PARVB: variants seen among roughly 807,000 people sequenced by gnomAD.
The protein encoded by PARVB is parvin beta.
A neutral mutation model predicts 47.0 loss-of-function variants in PARVB; 46 were observed. The ratio of observed to expected loss-of-function variants is 0.98; its 90% CI spans 0.77 to 1.25. PARVB has a LOEUF of 1.25. PARVB is among the 50% of genes most tolerant of loss of function. The pLI is 0.00. For missense variants in PARVB, 473 were observed against 471.6 expected, an observed-to-expected ratio of 1.00 and a Z score of -0.03; for synonymous variants, 196 against 196.3, an observed-to-expected ratio of 1.00 and a Z score of 0.01.
Position 44,103,687 on chromosome 22 carries a change from T to C in PARVB, c.273+3564T>C, listed in dbSNP as rs970338340. 1 of 152,174 alleles carries C rather than the reference T, an allele frequency of 6.6e-6. No individual in the cohort carries two copies. Among genetic ancestry groups the C allele is most frequent in the Non-Finnish European group, 1.5e-5 (1 of 68,026 alleles). The allele number at this position is 152,174 out of a possible 1,614,324, so 9.4% of individuals were successfully genotyped here. On this transcript the variant is annotated intron_variant, in intron 3 of 12. Coordinates refer to ENST00000338758, the MANE Select transcript of PARVB (RefSeq NM_013327.5). The surrounding 1 kb of genome is among the most constrained non-coding windows in gnomAD (Gnocchi z 4.6). ...CGGGCCCAGTGTGTTCGCTAGTGTC[T>C]GTATAAGAGGGACATGGGGAGCTTT... is the stretch of plus-strand genomic sequence containing the variant.
intron 3 of PARVB, chr22:44,105,947 G>A (rs914871990): frequency 3.3e-5 from 5 of 152,194 alleles, no homozygotes; most frequent in African/African-American, 1.2e-4. Context: ...TCCTGCCTCA[G>A]CCTCCCAAGT....
At chr22:44,119,502 C>T (rs117030658) in intron 4 of PARVB, among the ~76,000 whole-genome samples, 38 of 152,324 alleles carry the variant, frequency 2.5e-4, no homozygotes, top group Non-Finnish European at 4.4e-4. Flanking sequence ...GGGTCTGCAG[C>T]AATATTCTGT....
At chr22:44,087,156 C>T (rs554806519) in intron 1 of PARVB, 1 of 152,320 alleles carries the variant, frequency 6.6e-6, no homozygotes, top group South Asian at 2.1e-4. Flanking sequence ...TTTAGATGTG[C>T]AGGGATGGAG....
At chr22:44,140,357 T>C in intron 8 of PARVB, 1 of 708,838 alleles carries the variant, frequency 1.4e-6, no homozygotes, top group Non-Finnish European at 2.6e-6. Flanking sequence ...TGGGTTGTGC[T>C]AGGAGGAGTG....
intron 1 of PARVB, among the ~76,000 whole-genome samples, chr22:44,077,827 A>T (rs2051811920): frequency 6.6e-6 from 1 of 151,888 alleles, no homozygotes; most frequent in Non-Finnish European, 1.5e-5. Context: ...CCTCCCGAGT[A>T]GCTGGTATTA....
rs771855984 is a variant in PARVB at position 44,163,946 on chromosome 22, C to G, written c.1018+16C>G. 6.2e-7 allele frequency: 1 copy of G among 1,602,102 alleles called. No individual in the cohort carries two copies. Among genetic ancestry groups the G allele is most frequent in the East Asian group, 2.3e-5 (1 of 44,442 alleles). On this transcript the variant is annotated intron_variant, in intron 12 of 12. Transcript: ENST00000338758. Reference sequence around the variant, plus strand: ...CGTCCTGAAGGTAATGCCCCTGGCTCAGGTTCCCCCGGGAGAGGTGCGCAC... The same window carrying G: ...CGTCCTGAAGGTAATGCCCCTGGCTGAGGTTCCCCCGGGAGAGGTGCGCAC...
intron 2 of PARVB, among the ~76,000 whole-genome samples, chr22:44,001,368 C>A (rs1286915969): frequency 6.6e-6 from 1 of 152,140 alleles, no homozygotes; most frequent in Non-Finnish European, 1.5e-5. Context: ...CGTTGTAATT[C>A]AAAAATATTG....
At chr22:44,167,515 G>A (rs1601714134) in intron 12 of PARVB, among the ~76,000 whole-genome samples, 1 of 152,088 alleles carries the variant, frequency 6.6e-6, no homozygotes, top group Non-Finnish European at 1.5e-5. Context: ...TGGAGTCAGA[G>A]GGGGCCAGGA....
At position 44,103,124 on chromosome 22, in the gene PARVB, G is replaced by T. The variant is rs1284237276; in HGVS notation, c.273+3001G>T. The T allele has an allele frequency of 6.6e-6, 1 of 152,320 alleles. No homozygotes were observed. The allele number at this position is 152,320 out of a possible 1,614,324, so 9.4% of individuals were successfully genotyped here. ...AGACCCCCAGGCTGTTTTGGCCTTGGTGGGGCGAGGGCTGGCTGCTGCATG... is the reference window on the plus strand; with the variant it reads ...AGACCCCCAGGCTGTTTTGGCCTTGTTGGGGCGAGGGCTGGCTGCTGCATG... On this transcript the variant is annotated intron_variant, in intron 3 of 12. Coordinates refer to ENST00000338758, the MANE Select transcript of PARVB (RefSeq NM_013327.5). This position sits in a 1 kb window ranked among gnomAD's most constrained non-coding sequence, Gnocchi z 4.6.
At chr22:44,047,104 G>A (rs562346374) in intron 1 of PARVB, among the ~76,000 whole-genome samples, 29 of 152,272 alleles carry the variant, frequency 1.9e-4, no homozygotes, top group African/African-American at 6.3e-4. Flanking sequence ...CCTGTGCCCC[G>A]TCTTAGTCTA....
At chr22:44,163,702 T>C (rs1359788576) in intron 11 of PARVB, among the ~76,000 whole-genome samples, 156 bp from the exon 12 acceptor site, 2 of 152,150 alleles carry the variant, frequency 1.3e-5, no homozygotes, top group Non-Finnish European at 2.9e-5. Flanking sequence ...CACCCGTGTC[T>C]GCCCACCCTG....
At chr22:44,007,567 G>A (rs1014525949) in intron 2 of PARVB, among the ~76,000 whole-genome samples, 2 of 152,134 alleles carry the variant, frequency 1.3e-5, no homozygotes, top group Non-Finnish European at 2.9e-5. Flanking sequence ...TCTTCTCCAC[G>A]AGAAAGTTTT....
At chr22:44,075,310 A>T (rs1037422967) in intron 1 of PARVB, among the ~76,000 whole-genome samples, 4 of 152,170 alleles carry the variant, frequency 2.6e-5, no homozygotes, top group Non-Finnish European at 5.9e-5. Context: ...AAGGGACTAG[A>T]CTATTTTTAG....
intron 1 of PARVB, among the ~76,000 whole-genome samples, chr22:44,066,659 C>G (rs2051529663): frequency 6.6e-6 from 1 of 152,154 alleles, no homozygotes; most frequent in South Asian, 2.1e-4. Context: ...GCCTGTCGAC[C>G]ACTCACTGCC....
At chr22:44,126,665 T>C (rs968486293) in intron 4 of PARVB, among the ~76,000 whole-genome samples, 2 of 152,222 alleles carry the variant, frequency 1.3e-5, no homozygotes, top group Admixed American at 6.5e-5. Flanking sequence ...TGGCCCTCTG[T>C]TGAAGCAGTC....
Position 44,147,989 on chromosome 22 carries a change from C to A in PARVB, c.774+67C>A, listed in dbSNP as rs567297440. ...CGCGGCTTTTTGACAGCACAAACGC[C>A]CCGCTGGGAAGAAGGTGGGAAAATG... On this transcript the variant is annotated intron_variant, in intron 9 of 12. Coordinates refer to ENST00000338758, the MANE Select transcript of PARVB (RefSeq NM_013327.5). 16 of 1,204,214 alleles carry A rather than the reference C, an allele frequency of 1.3e-5. No individual in the cohort carries two copies. The South Asian group carries it at 1.8e-4, about 14-fold the overall frequency. The allele number at this position is 1,204,214 out of a possible 1,614,324, so 74.6% of individuals were successfully genotyped here. A position where few individuals can be genotyped will look rare whatever the true frequency, so the allele number is the denominator to read the frequency against.
chr22:44,086,288 T>C (rs1601580939), intron 1 of PARVB, among the ~76,000 whole-genome samples: 3 of 152,206 alleles, frequency 2.0e-5, no homozygotes, highest in African/African-American at 7.2e-5. Flanking sequence ...AGCGCTTTCT[T>C]GTATGTTGTG....
intron 1 of PARVB, among the ~76,000 whole-genome samples, chr22:44,038,655 G>A (rs1287698682): frequency 1.3e-5 from 2 of 152,088 alleles, no homozygotes; most frequent in Non-Finnish European, 2.9e-5. Flanking sequence ...GATGGTGTAC[G>A]CCTGTAATCC....
At chr22:44,117,620 T>G (rs2052939250) in intron 3 of PARVB, among the ~76,000 whole-genome samples, 2 of 152,240 alleles carry the variant, frequency 1.3e-5, no homozygotes, top group African/African-American at 4.8e-5. Context: ...TTACCTCTGT[T>G]CCTTGTGGGC....
Sources: gnomAD v4.1 joint callset for allele counts (sites outside exome capture counted in the v4.1 genomes callset) on GRCh38, gnomAD v4.1.1 for gene constraint, Gnocchi (gnomAD v3.1) non-coding constraint, MANE v1.5 for transcripts, NCBI Gene and HGNC (gene_info 2026-07-23, HGNC 2026-07-21) for gene names.